The following PNPLA6 variants were observed in gnomAD, a reference collection of about 807,000 sequenced individuals.
PNPLA6 encodes the protein patatin like domain 6, lysophospholipase, also known as patatin-like phospholipase domain-containing protein 6.
Under a neutral mutation model 153.7 loss-of-function variants are expected in PNPLA6, and 105 were observed. The observed-to-expected ratio is 0.68, with a 90% CI of 0.58 to 0.80. The LOEUF is 0.80. Ranked by LOEUF, PNPLA6 falls within the 30% of genes least tolerant of loss-of-function variation. The pLI, the probability that PNPLA6 is intolerant of heterozygous loss-of-function variation, is 0.00. For synonymous variants in PNPLA6, 825 were observed against 822.2 expected, an observed-to-expected ratio of 1.00 and a Z score of -0.06; for missense variants, 1,423 against 1,919.3, an observed-to-expected ratio of 0.74 and a Z score of 4.83.
intron 13 of PNPLA6, among the ~76,000 whole-genome samples, chr19:7,549,094 C>T (rs1309543892): frequency 6.7e-6 from 1 of 150,198 alleles, no homozygotes; most frequent in Non-Finnish European, 1.5e-5. Flanking sequence ...TGAGCCATCG[C>T]GCCCGGCTAA....
At chr19:7,543,531 C>A (rs147615138) in intron 13 of PNPLA6, among the ~76,000 whole-genome samples, 8 of 152,268 alleles carry the variant, frequency 5.3e-5, no homozygotes, top group Admixed American at 2.6e-4. Context: ...GGCCTTGTGG[C>A]GGCACCCAGG....
At chr19:7,554,762 T>G in intron 21 of PNPLA6, 39 bp downstream of exon 21, 4 of 1,604,166 alleles carry the variant, frequency 2.5e-6, no homozygotes, top group Non-Finnish European at 3.4e-6. Context: ...CCACCTCGGG[T>G]CCCGTCCTTT....
At position 7,550,532 on chromosome 19, in the gene PNPLA6, C is replaced by G. The variant is rs757870828; in HGVS notation, c.1962C>G (p.Ser654=). The change falls in exon 16 of 32, where the codon TCC becomes TCG. Residue 654 remains serine (S), a synonymous_variant. Coordinates refer to ENST00000600737, the MANE Select transcript of PNPLA6 (RefSeq NM_001166114.2). ...GCCCACTCAGGCAGGGCGACCGCTC[C>G]GACTGCACTTACATCGTGCTCAATG... ...GRALYRQGDR[S]DCTYIVLNGR... 6.2e-7 allele frequency: 1 copy of G among 1,613,146 alleles called. No homozygotes were observed. Among genetic ancestry groups the G allele is most frequent in the African/African-American group, 1.3e-5 (1 of 75,056 alleles).
In PNPLA6 at chr19:7,540,810, C is replaced by A. The variant is rs1224534509; in HGVS notation, c.795+100C>A. On this transcript the variant is annotated intron_variant, in intron 6 of 31. Coordinates refer to ENST00000600737, the MANE Select transcript of PNPLA6 (RefSeq NM_001166114.2). This position sits in a 1 kb window ranked among gnomAD's most constrained non-coding sequence, Gnocchi z 6.8. ...CAGGGTCCCCAATCTCTGGTTCATCCGTTATGCTGCCGATGGCCCCTCACG... is the reference window on the plus strand; with the variant it reads ...CAGGGTCCCCAATCTCTGGTTCATCAGTTATGCTGCCGATGGCCCCTCACG... The A allele has an allele frequency of 1.9e-6, 3 of 1,559,018 alleles. No individual in the cohort carries two copies. The highest frequency in any genetic ancestry group is 4.5e-5 in the East Asian group (2 of 44,616).
chr19:7,550,725 G>C (rs1225178109), intron 16 of PNPLA6, 85 bp downstream of exon 16: 1 of 1,541,576 alleles, frequency 6.5e-7, no homozygotes, highest in Non-Finnish European at 8.8e-7. Flanking sequence ...GGGTAATCCA[G>C]GGAGTGGTGA....
rs772547801 is a variant in PNPLA6 at position 7,555,674 on chromosome 19, G to C, written c.3004G>C (p.Gly1002Arg). ...EAGVPVDLVG[G>R]TSIGSFIGAL... ...GGGGGTCCCCGTGGACCTGGTGGGC[G>C]GCACGTCCATTGGCTCTTTCATCGG... is the stretch of plus-strand genomic sequence containing the variant. The change falls in exon 24 of 32, where the codon GGC becomes CGC. Residue 1002 changes from glycine (G) to arginine (R), a missense_variant. Physicochemically the swap from Gly to Arg is moderately radical, Grantham distance 125 (BLOSUM62 -2). Transcript: ENST00000600737. This position sits in a 1 kb window ranked among gnomAD's most constrained non-coding sequence, Gnocchi z 6.3. The C allele has an allele frequency of 1.2e-6, 2 of 1,613,392 alleles. No homozygotes were observed. The highest frequency in any genetic ancestry group is 3.3e-5 in the Admixed American group (2 of 59,998).
At position 7,536,172 on chromosome 19, in the gene PNPLA6, T is replaced by C. The variant is rs777868710; in HGVS notation, c.233-19T>C. The C allele has an allele frequency of 1.9e-6, 3 of 1,568,338 alleles. No individual in the cohort carries two copies. The highest frequency in any genetic ancestry group is 2.6e-6 in the Non-Finnish European group (3 of 1,138,476). On this transcript the variant is annotated intron_variant, in intron 1 of 31. Transcript: ENST00000600737. Reference sequence around the variant, plus strand: ...GTCTGCACAGAGCTCGGAGTGCCCCTGTCCCCACCTATCCCCAGAAACCCC... The same window carrying C: ...GTCTGCACAGAGCTCGGAGTGCCCCCGTCCCCACCTATCCCCAGAAACCCC...
chr19:7,558,125 C>A (rs507814), intron 27 of PNPLA6, among the ~76,000 whole-genome samples: 3 of 152,090 alleles, frequency 2.0e-5, no homozygotes, highest in African/African-American at 7.2e-5. Flanking sequence ...AGATAGGATG[C>A]GGCACCTCTG....
At position 7,557,298 on chromosome 19, in the gene PNPLA6, C is replaced by T. The variant is rs747176265; in HGVS notation, c.3397+14C>T. 14 of 1,467,554 alleles carry T rather than the reference C, an allele frequency of 9.5e-6. No homozygotes were observed. The highest frequency in any genetic ancestry group is 3.4e-5 in the South Asian group (3 of 88,268). The allele number at this position is 1,467,554 out of a possible 1,614,324, so 90.9% of individuals were successfully genotyped here. A position where few individuals can be genotyped will look rare whatever the true frequency, so the allele number is the denominator to read the frequency against. On this transcript the variant is annotated intron_variant, in intron 27 of 31. Transcript: ENST00000600737. ...ACAATCTGCCAGGCAAGTGGCCGCC[C>T]GCACCACCCGCACACGCAAGCACCT...
chr19:7,547,384 T>A (rs1006056766), intron 13 of PNPLA6, among the ~76,000 whole-genome samples: 1 of 152,194 alleles, frequency 6.6e-6, no homozygotes, highest in Non-Finnish European at 1.5e-5. Context: ...TAGTATGTCA[T>A]TGTGGTTTTG....
chr19:7,539,680 C>G (rs1270279937), intron 3 of PNPLA6, among the ~76,000 whole-genome samples: 2 of 151,490 alleles, frequency 1.3e-5, no homozygotes, highest in Admixed American at 1.3e-4. Context: ...TCGCTTGAAC[C>G]CTGGAGGTGG....
In PNPLA6 at chr19:7,557,088, CGA is replaced by C. The variant is rs2023912945; in HGVS notation, c.3281-78_3281-77del. ...CTACGTTAACAACGTCCCAGGTCAG[CGA>C]GCCCATCGGGCCGGCTGGGCCTCCG... On this transcript the variant is annotated intron_variant, in intron 26 of 31. Transcript: ENST00000600737. The C allele has an allele frequency of 2.5e-5, 27 of 1,060,476 alleles. No homozygotes were observed. In the East Asian group the frequency reaches 6.1e-4, roughly 24 times the overall value. 65.7% of individuals were successfully genotyped at this position (1,060,476 alleles called of 1,614,324 possible). A position where few individuals can be genotyped will look rare whatever the true frequency, so the allele number is the denominator to read the frequency against.
upstream of PNPLA6, chr19:7,535,332 G>C (rs1011294313): frequency 9.5e-6 from 6 of 633,568 alleles, no homozygotes; most frequent in Non-Finnish European, 1.7e-5. The surrounding 1 kb of genome is among the most constrained non-coding windows in gnomAD (Gnocchi z 5.0). Context: ...CCGAGAGGTC[G>C]GTTTGCTCCA....
chr19:7,540,656 A>T lies in PNPLA6; in HGVS notation c.741A>T (p.Glu247Asp), dbSNP rs773587782. The T allele has an allele frequency of 9.9e-6, 16 of 1,613,566 alleles. No homozygotes were observed. Among genetic ancestry groups the T allele is most frequent in the Non-Finnish European group, 1.4e-5 (16 of 1,179,772 alleles). ...ACGGGAAGGAGTGTGTGGTGAAGGA[A>T]GTGGTTCCTGGGGACAGCGTCAACA... is the stretch of plus-strand genomic sequence containing the variant. ...GPDGKECVVK[E>D]VVPGDSVNSL... Residue 247 changes from glutamate to aspartate, a missense_variant, in exon 6 of 32, where the codon GAA (glutamate) becomes GAT (aspartate). Coordinates refer to ENST00000600737, the MANE Select transcript of PNPLA6 (RefSeq NM_001166114.2). The surrounding 1 kb of genome is among the most constrained non-coding windows in gnomAD (Gnocchi z 6.8).
At chr19:7,546,067 C>T (rs1048835577) in intron 13 of PNPLA6, among the ~76,000 whole-genome samples, 1 of 152,074 alleles carries the variant, frequency 6.6e-6, no homozygotes, top group African/African-American at 2.4e-5. Flanking sequence ...CTTGGCACTA[C>T]AAAGTCTGGC....
intron 13 of PNPLA6, chr19:7,549,671 A>G (rs2023557717): frequency 1.8e-6 from 1 of 568,242 alleles, no homozygotes; most frequent in Non-Finnish European, 3.2e-6. Flanking sequence ...TTATTTTAGT[A>G]GAGACAGGTT....
chr19:7,545,375 C>T (rs2023344709), intron 13 of PNPLA6, among the ~76,000 whole-genome samples: 1 of 152,132 alleles, frequency 6.6e-6, no homozygotes, highest in South Asian at 2.1e-4. Context: ...GTTTATATCT[C>T]CTGGGACTGT....
In PNPLA6 at chr19:7,555,095, C is replaced by T. The variant is rs1214521013; in HGVS notation, c.2817+20C>T. On this transcript the variant is annotated intron_variant, in intron 22 of 31. Coordinates refer to ENST00000600737, the MANE Select transcript of PNPLA6 (RefSeq NM_001166114.2). The surrounding 1 kb of genome is among the most constrained non-coding windows in gnomAD (Gnocchi z 6.3). The stretch of plus-strand genomic sequence containing the variant: ...AAGCTGGTGAGGAGCGGGCCGGCCC[C>T]CACCTTCTAGGGGCGTGGCTGGTGG... 6.3e-7 allele frequency: 1 copy of T among 1,590,354 alleles called. No homozygotes were observed. Among genetic ancestry groups the T allele is most frequent in the Non-Finnish European group, 8.5e-7 (1 of 1,176,392 alleles).
At position 7,549,900 on chromosome 19, in the gene PNPLA6, C is replaced by G; in HGVS notation, c.1609-7C>G. On this transcript the variant is annotated splice_polypyrimidine_tract_variant and splice_region_variant and intron_variant, in intron 13 of 31. Coordinates refer to ENST00000600737, the MANE Select transcript of PNPLA6 (RefSeq NM_001166114.2). ...TTCTGTGTTCATCACATCCCCTGCCCGCACAGGACGTGAGCCTGCACTTCG... is the reference window on the plus strand; with the variant it reads ...TTCTGTGTTCATCACATCCCCTGCCGGCACAGGACGTGAGCCTGCACTTCG... 6.2e-7 allele frequency: 1 copy of G among 1,613,020 alleles called. No homozygotes were observed. The highest frequency in any genetic ancestry group is 8.5e-7 in the Non-Finnish European group (1 of 1,179,794).
Sources: allele counts gnomAD v4.1 joint callset (sites outside exome capture counted in the v4.1 genomes callset), GRCh38; gene constraint gnomAD v4.1.1; non-coding constraint Gnocchi (gnomAD v3.1); transcripts MANE v1.5; gene names NCBI Gene and HGNC (gene_info 2026-07-23, HGNC 2026-07-21).